Variants in ADAMTS6 observed in about 807,000 individuals in gnomAD.
ADAMTS6 encodes the protein ADAM metallopeptidase with thrombospondin type 1 motif 6, also known as A disintegrin and metalloproteinase with thrombospondin motifs 6.
In ADAMTS6, 23 loss-of-function variants were observed where a neutral mutation model predicts 144.3. That is an observed-to-expected ratio of 0.16 (90% CI 0.11 to 0.23). The LOEUF (loss-of-function observed/expected upper bound fraction) is 0.23. ADAMTS6 is among the 10% of genes least tolerant of loss of function. The pLI, the probability that ADAMTS6 is intolerant of heterozygous loss-of-function variation, is 1.00. For missense variants in ADAMTS6, 999 were observed against 1,379.6 expected (o/e 0.72, Z 4.37); for synonymous variants, 444 against 457.5 (o/e 0.97, Z 0.38).
chr5:65,328,341 C>A (rs1428672117), intron 9 of ADAMTS6, among the ~76,000 whole-genome samples: 1 of 151,700 alleles, frequency 6.6e-6, no homozygotes, highest in South Asian at 2.1e-4. Context: ...TTTCCCCTAT[C>A]TATGACGCCA....
intron 24 of ADAMTS6, among the ~76,000 whole-genome samples, chr5:65,161,036 TTTTA>T (rs1462002837): frequency 2.0e-5 from 3 of 151,782 alleles, no homozygotes; most frequent in South Asian, 2.1e-4. Context: ...CTCTCTCTCT[TTTTA>T]TTTATTTATT....
At chr5:65,248,704 T>C (rs1759867047) in intron 14 of ADAMTS6, among the ~76,000 whole-genome samples, 1 of 152,078 alleles carries the variant, frequency 6.6e-6, no homozygotes, top group African/African-American at 2.4e-5. Context: ...AGAGGATTGC[T>C]TGAGCCTGGG....
At chr5:65,355,720 A>G (rs16893722) in intron 7 of ADAMTS6, among the ~76,000 whole-genome samples, 1 of 151,862 alleles carries the variant, frequency 6.6e-6, no homozygotes, top group Non-Finnish European at 1.5e-5. Flanking sequence ...ATGACCAAGA[A>G]GTCTAATCGA....
chr5:65,412,158 G>T (rs942762958), intron 7 of ADAMTS6, among the ~76,000 whole-genome samples: 4 of 152,026 alleles, frequency 2.6e-5, no homozygotes, highest in Non-Finnish European at 4.4e-5. Context: ...TGCAAGAAAA[G>T]ATCTTTAATG....
intron 22 of ADAMTS6, among the ~76,000 whole-genome samples, chr5:65,183,541 A>G (rs969849193): frequency 1.3e-5 from 2 of 152,136 alleles, no homozygotes. Context: ...AGTTTCAGGT[A>G]TCGACTGGGG....
In ADAMTS6 at chr5:65,406,915, C is replaced by T. The variant is rs180803286; in HGVS notation, c.1073+44560G>A. Among the ~76,000 whole-genome samples, 9 of 151,944 alleles carry T rather than the reference C, an allele frequency of 5.9e-5. 1 individual carries two copies. Among genetic ancestry groups the T allele is most frequent in the Middle Eastern group, 3.4e-3 (1 of 294 alleles). On this transcript the variant is annotated intron_variant, in intron 7 of 24. Coordinates refer to ENST00000381055, the MANE Select transcript of ADAMTS6 (RefSeq NM_197941.4). The stretch of plus-strand genomic sequence containing the variant: ...TGAAGATCACATGAATGAAATGAAG[C>T]GAGAAGAGAAGTTTAGAGAAAAAAG...
intron 19 of ADAMTS6, 115 bp downstream of exon 19, chr5:65,215,209 T>C: frequency 2.4e-6 from 3 of 1,266,016 alleles, no homozygotes; most frequent in Non-Finnish European, 3.3e-6. Context: ...AATCATTTTA[T>C]CTTTATTTAC....
intron 7 of ADAMTS6, among the ~76,000 whole-genome samples, chr5:65,431,394 C>A (rs564857636): frequency 2.0e-5 from 3 of 152,234 alleles, no homozygotes; most frequent in African/African-American, 7.2e-5. Flanking sequence ...TAGGCAGAAT[C>A]CCCTAAATAC....
Position 65,214,797 on chromosome 5 carries a change from C to T in ADAMTS6, c.2572G>A (p.Gly858Arg). ...GGCTGCCTAGTGGGCATCTTACCTCCAGCACAAGTAGCTGAGCATTCTGAC... is the reference window on the plus strand; with the variant it reads ...GGCTGCCTAGTGGGCATCTTACCTCTAGCACAAGTAGCTGAGCATTCTGAC... The part of the protein sequence containing the change: ...PWSECSATCA[G>R]GVQRQEVVCK... The change falls in exon 20 of 25, where the codon GGA becomes AGA. Residue 858 changes from glycine (G) to arginine (R), a missense_variant. Gly to Arg is a moderately radical substitution (Grantham distance 125, BLOSUM62 -2). Around this residue, in one of 3 missense-constraint regions of ADAMTS6, gnomAD observed 619 missense variants for 837.0 expected, o/e 0.74. Coordinates refer to ENST00000381055, the MANE Select transcript of ADAMTS6 (RefSeq NM_197941.4). The surrounding 1 kb of genome is among the most constrained non-coding windows in gnomAD (Gnocchi z 4.6). The T allele has an allele frequency of 6.2e-7, 1 of 1,614,070 alleles. No individual in the cohort carries two copies. The highest frequency in any genetic ancestry group is 8.5e-7 in the Non-Finnish European group (1 of 1,179,986).
intron 9 of ADAMTS6, among the ~76,000 whole-genome samples, chr5:65,313,034 CTTT>C (rs1744651594): frequency 6.6e-6 from 1 of 151,782 alleles, no homozygotes; most frequent in Non-Finnish European, 1.5e-5. Context: ...AAATTAACTT[CTTT>C]ATTTTTCCAG....
intron 11 of ADAMTS6, among the ~76,000 whole-genome samples, chr5:65,285,391 C>T (rs1331691636): frequency 1.3e-5 from 2 of 152,176 alleles, no homozygotes; most frequent in African/African-American, 4.8e-5. Context: ...TCTTCTCACT[C>T]ATCTATTTGT....
chr5:65,196,323 T>TCA (rs1554045507), intron 21 of ADAMTS6, among the ~76,000 whole-genome samples: 4 of 151,292 alleles, frequency 2.6e-5, no homozygotes, highest in Admixed American at 6.6e-5. Context: ...GATCACGAGG[T>TCA]GATCCTGGCT....
At chr5:65,249,625 A>G (rs1460676905) in intron 14 of ADAMTS6, among the ~76,000 whole-genome samples, 1 of 152,118 alleles carries the variant, frequency 6.6e-6, no homozygotes, top group Non-Finnish European at 1.5e-5. Context: ...TATGCCCCTC[A>G]GTTGTATTCT....
rs777858737 is a variant in ADAMTS6, at chr5:65,215,316, G to A, written c.2436+8C>T. Reference sequence around the variant, plus strand: ...ACAGAAGAAATACAATGGCAAAGACGCATTTACCATGACGATGAGATTTTC... The same window carrying A: ...ACAGAAGAAATACAATGGCAAAGACACATTTACCATGACGATGAGATTTTC... On this transcript the variant is annotated splice_region_variant and intron_variant, in intron 19 of 24. Coordinates refer to ENST00000381055, the MANE Select transcript of ADAMTS6 (RefSeq NM_197941.4). 1.6e-5 allele frequency: 25 copies of A among 1,611,844 alleles called. No individual in the cohort carries two copies. Among genetic ancestry groups the A allele is most frequent in the East Asian group, 4.5e-5 (2 of 44,854 alleles).
chr5:65,346,714 C>T (rs552573155), intron 7 of ADAMTS6, among the ~76,000 whole-genome samples: 30 of 151,718 alleles, frequency 2.0e-4, no homozygotes, highest in Non-Finnish European at 3.5e-4. Context: ...GACATAAAAT[C>T]GTCTCTGCTT....
chr5:65,376,253 A>G (rs142717182), intron 7 of ADAMTS6, among the ~76,000 whole-genome samples: 18,225 of 149,888 alleles, frequency 0.12, 1,185 homozygotes, highest in African/African-American at 0.16. Flanking sequence ...CTAAAACTTA[A>G]AGTAAAATAA....
rs529236363 is a variant in ADAMTS6 at position 65,321,708 on chromosome 5, CTTTTTTTTTTTTTT to C, written c.1223+7656_1223+7669del. Among the ~76,000 whole-genome samples the C allele has an allele frequency of 7.6e-3, 598 of 78,946 alleles. 1 individual carries two copies. Among genetic ancestry groups the C allele is most frequent in the African/African-American group, 0.028 (579 of 20,696 alleles). 51.8% of individuals were successfully genotyped at this position (78,946 alleles called of 152,430 possible). A position where few individuals can be genotyped will look rare whatever the true frequency, so the allele number is the denominator to read the frequency against. On this transcript the variant is annotated intron_variant, in intron 9 of 24. Coordinates refer to ENST00000381055, the MANE Select transcript of ADAMTS6 (RefSeq NM_197941.4). The stretch of plus-strand genomic sequence containing the variant: ...GTCTTCAATCCATCTTTTTCTTTTC[CTTTTTTTTTTTTTT>C]TTTTTTTTTTTGAGACGGAGTCTCG...
intron 7 of ADAMTS6, among the ~76,000 whole-genome samples, chr5:65,401,090 T>C (rs1045329660): frequency 1.3e-5 from 2 of 152,198 alleles, no homozygotes; most frequent in East Asian, 1.9e-4. Context: ...CCTCTCAGTA[T>C]GCCTTGTAAT....
At chr5:65,217,349 T>G (rs1410196130) in intron 18 of ADAMTS6, among the ~76,000 whole-genome samples, 1 of 151,804 alleles carries the variant, frequency 6.6e-6, no homozygotes, top group East Asian at 1.9e-4. Context: ...CTTTAAATTC[T>G]CCTTCAGTTT....
Sources: allele counts gnomAD v4.1 joint callset (sites outside exome capture counted in the v4.1 genomes callset), GRCh38; gene constraint gnomAD v4.1.1; regional missense constraint gnomAD v4.1.1; non-coding constraint Gnocchi (gnomAD v3.1); transcripts MANE v1.5; gene names NCBI Gene and HGNC (gene_info 2026-07-23, HGNC 2026-07-21).